MXD4: variants seen among roughly 807,000 people sequenced by gnomAD.
The protein encoded by MXD4 is MAX dimerization protein 4, also known as Mad4 homolog.
In MXD4, 16 loss-of-function variants were observed where a neutral mutation model predicts 24.5. The ratio of observed to expected loss-of-function variants is 0.65; its 90% CI spans 0.44 to 0.99. MXD4 has a LOEUF of 0.99. Ranked by LOEUF, MXD4 falls within the 50% of genes least tolerant of loss-of-function variation. The pLI is 0.00. For synonymous variants in MXD4, 164 were observed against 134.2 expected, an observed-to-expected ratio of 1.22 and a Z score of -1.54; for missense variants, 301 against 301.5, an observed-to-expected ratio of 1.00 and a Z score of 0.01.
In MXD4 at chr4:2,262,081, A is replaced by T; in HGVS notation, c.-101T>A. 1 of 558,634 alleles carries T rather than the reference A, an allele frequency of 1.8e-6. No individual in the cohort carries two copies. Among genetic ancestry groups the T allele is most frequent in the Non-Finnish European group, 2.3e-6 (1 of 440,330 alleles). The allele number at this position is 558,634 out of a possible 1,614,324, so 34.6% of individuals were successfully genotyped here. A position where few individuals can be genotyped will look rare whatever the true frequency, so the allele number is the denominator to read the frequency against. The stretch of plus-strand genomic sequence containing the variant: ...CCCACCCCGCGCGCCCGGCCGCCGC[A>T]CTTCCAGACTCCGCGGACTCCGGCG... On this transcript the variant is annotated 5_prime_UTR_variant, in exon 1 of 6. Coordinates refer to ENST00000337190, the MANE Select transcript of MXD4 (RefSeq NM_006454.3).
intron 3 of MXD4, among the ~76,000 whole-genome samples, chr4:2,257,125 G>A (rs1735447334): frequency 6.6e-6 from 1 of 152,224 alleles, no homozygotes; most frequent in Admixed American, 6.5e-5. Context: ...TGAATCCCGG[G>A]AGAACGGAAG....
intron 2 of MXD4, among the ~76,000 whole-genome samples, chr4:2,259,616 C>T (rs534054628): frequency 4.1e-4 from 63 of 152,118 alleles, no homozygotes; most frequent in Middle Eastern, 3.4e-3. Context: ...AAGGGTGGCA[C>T]GGGGCTGGAC....
intron 2 of MXD4, 45 bp downstream of exon 2, chr4:2,261,680 G>C (rs767118382): frequency 4.8e-4 from 551 of 1,150,532 alleles, no homozygotes; most frequent in Non-Finnish European, 5.4e-4. Flanking sequence ...GGCGGGGGCG[G>C]GGGTTCGGAC....
chr4:2,258,868 C>T, intron 2 of MXD4: 1 of 455,274 alleles, frequency 2.2e-6, no homozygotes. Context: ...GGGACAGTGG[C>T]CCCACCTGCT....
At chr4:2,252,352 G>A (rs536854558) in intron 4 of MXD4, 56 bp downstream of exon 4, 63 of 1,418,472 alleles carry the variant, frequency 4.4e-5, no homozygotes, top group African/African-American at 3.1e-4. Context: ...CCCCCAGGGC[G>A]TGCAGGGACA....
In MXD4 at chr4:2,251,257, G is replaced by C. The variant is rs1202365906; in HGVS notation, c.310-11C>G. 1.9e-6 allele frequency: 3 copies of C among 1,577,372 alleles called. No individual in the cohort carries two copies. The highest frequency in any genetic ancestry group is 2.6e-6 in the Non-Finnish European group (3 of 1,157,230). ...CTGCTCCTCCAGTTTCTGGGGTCGA[G>C]GGGGGCTGTGAGCTCACAGCGGGAA... is the stretch of plus-strand genomic sequence containing the variant. On this transcript the variant is annotated splice_polypyrimidine_tract_variant and intron_variant, in intron 4 of 5. Coordinates refer to ENST00000337190, the MANE Select transcript of MXD4 (RefSeq NM_006454.3).
intron 2 of MXD4, among the ~76,000 whole-genome samples, chr4:2,258,247 A>T (rs1223920812): frequency 6.6e-6 from 1 of 151,932 alleles, no homozygotes; most frequent in Non-Finnish European, 1.5e-5. Context: ...GTGCCGGGGG[A>T]GCCGCAGCTC....
In MXD4 at chr4:2,254,498, A is replaced by C. The variant is rs552360318; in HGVS notation, c.195-1976T>G. ...TTCCAGGTTTTCTACGCTTAAAAAA[A>C]AACACACACAGACATTGCTGTGACA... On this transcript the variant is annotated intron_variant, in intron 3 of 5. Coordinates refer to ENST00000337190, the MANE Select transcript of MXD4 (RefSeq NM_006454.3). 44 of 152,370 alleles carry C rather than the reference A, an allele frequency of 2.9e-4. 1 individual carries two copies. The highest frequency in any genetic ancestry group is 2.7e-3 in the Admixed American group (42 of 15,306). 9.4% of individuals were successfully genotyped at this position (152,370 alleles called of 1,614,324 possible).
At chr4:2,256,391 A>G (rs1024862135) in intron 3 of MXD4, among the ~76,000 whole-genome samples, 1 of 152,172 alleles carries the variant, frequency 6.6e-6, no homozygotes, top group Non-Finnish European at 1.5e-5. Flanking sequence ...CAGTAAGGGG[A>G]CAACTCCGGG....
At position 2,250,051 on chromosome 4, in the gene MXD4, C is replaced by T. The variant is rs1735284113; in HGVS notation, c.*493G>A. On this transcript the variant is annotated 3_prime_UTR_variant, in exon 6 of 6. Transcript: ENST00000337190. ...CACCCAGTTCCCGCCCTTCACAGAC[C>T]CCTTGTCCACGCCAGGAGCCTATGT... 1 of 159,554 alleles carries T rather than the reference C, an allele frequency of 6.3e-6. No homozygotes were observed. The highest frequency in any genetic ancestry group is 2.4e-5 in the African/African-American group (1 of 41,592). 9.9% of individuals were successfully genotyped at this position (159,554 alleles called of 1,614,324 possible). A position where few individuals can be genotyped will look rare whatever the true frequency, so the allele number is the denominator to read the frequency against.
intron 3 of MXD4, chr4:2,253,554 T>C (rs1735364507): frequency 6.6e-6 from 1 of 152,238 alleles, no homozygotes. Flanking sequence ...TTTGAAAACC[T>C]GCCGCCCAAC....
intron 2 of MXD4, among the ~76,000 whole-genome samples, chr4:2,261,106 G>A (rs1397601944): frequency 6.6e-6 from 1 of 152,232 alleles, no homozygotes; most frequent in Non-Finnish European, 1.5e-5. Context: ...TCTTAAAAAA[G>A]AGGACCCCCA....
Position 2,250,531 on chromosome 4 carries a change from A to C in MXD4, c.*13T>G, listed in dbSNP as rs1735296264. 1 of 1,559,998 alleles carries C rather than the reference A, an allele frequency of 6.4e-7. No individual in the cohort carries two copies. Among genetic ancestry groups the C allele is most frequent in the African/African-American group, 1.4e-5 (1 of 73,452 alleles). On this transcript the variant is annotated 3_prime_UTR_variant, in exon 6 of 6. Coordinates refer to ENST00000337190, the MANE Select transcript of MXD4 (RefSeq NM_006454.3). ...CTGGCGGGCAGGCAGGCCAAGGAGC[A>C]GAGGGCACGGGCCTACGAGAGGGCG...
At chr4:2,253,143 T>C (rs1417503274) in intron 3 of MXD4, 1 of 153,632 alleles carries the variant, frequency 6.5e-6, no homozygotes. Context: ...CTTGCTTGCT[T>C]GTTCACACTC....
intron 3 of MXD4, chr4:2,254,275 T>C (rs1735379624): frequency 2.6e-5 from 4 of 152,220 alleles, no homozygotes; most frequent in Admixed American, 2.0e-4. Context: ...TTTAGTGTGT[T>C]ACATATGCAC....
chr4:2,256,478 G>T (rs771481715), intron 3 of MXD4, among the ~76,000 whole-genome samples: 1 of 152,190 alleles, frequency 6.6e-6, no homozygotes, highest in Non-Finnish European at 1.5e-5. Flanking sequence ...TCTCAAGACA[G>T]CACGCAGCCC....
intron 5 of MXD4, 141 bp downstream of exon 5, chr4:2,250,943 G>A (rs1050843130): frequency 1.7e-6 from 2 of 1,211,670 alleles, no homozygotes; most frequent in Non-Finnish European, 1.1e-6. Flanking sequence ...TGCGCTTAGT[G>A]ACAAACACAC....
intron 4 of MXD4, among the ~76,000 whole-genome samples, chr4:2,251,650 G>A (rs997082739): frequency 6.6e-6 from 1 of 152,202 alleles, no homozygotes; most frequent in Non-Finnish European, 1.5e-5. Context: ...CGCCCCCATC[G>A]GGCTGTGGCC....
At position 2,247,646 on chromosome 4, in the gene MXD4, G is replaced by C. The variant is rs1186548575; in HGVS notation, c.*2898C>G. The C allele has an allele frequency of 6.6e-6, 1 of 152,298 alleles. No individual in the cohort carries two copies. The highest frequency in any genetic ancestry group is 2.4e-5 in the African/African-American group (1 of 41,454). 9.4% of individuals were successfully genotyped at this position (152,298 alleles called of 1,614,324 possible). A position where few individuals can be genotyped will look rare whatever the true frequency, so the allele number is the denominator to read the frequency against. On this transcript the variant is annotated 3_prime_UTR_variant, in exon 6 of 6. Coordinates refer to ENST00000337190, the MANE Select transcript of MXD4 (RefSeq NM_006454.3). Reference sequence around the variant, plus strand: ...TGCTGGCCGAGGGTCAGGGTCCTCTGTGCAGGCAGTGGGGAGGGGGTCCCA... The same window carrying C: ...TGCTGGCCGAGGGTCAGGGTCCTCTCTGCAGGCAGTGGGGAGGGGGTCCCA...
Sources: gnomAD v4.1 joint callset for allele counts (sites outside exome capture counted in the v4.1 genomes callset) on GRCh38, gnomAD v4.1.1 for gene constraint, MANE v1.5 for transcripts, NCBI Gene and HGNC (gene_info 2026-07-23, HGNC 2026-07-21) for gene names.